ASPSCR1: variants seen among roughly 807,000 people sequenced by gnomAD.
ASPSCR1 encodes ASPSCR1 tether for SLC2A4, UBX domain containing.
A neutral mutation model predicts 68.9 loss-of-function variants in ASPSCR1; 55 were observed. The ratio of observed to expected loss-of-function variants is 0.80; its 90% CI spans 0.64 to 1.00. The LOEUF is 1.00. Ranked by LOEUF, ASPSCR1 falls within the 50% of genes least tolerant of loss-of-function variation. The probability of loss-of-function intolerance (pLI) is 0.00; values close to 1 mark genes in which losing one functional copy is unlikely to be tolerated. For missense variants in ASPSCR1, 765 were observed against 762.2 expected (o/e 1.00, Z -0.04); for synonymous variants, 352 against 332.6 (o/e 1.06, Z -0.63).
In ASPSCR1 at chr17:81,994,975, G is replaced by A. The variant is rs769332145; in HGVS notation, c.432+97G>A. The stretch of plus-strand genomic sequence containing the variant: ...TCCCGCAGCCGTCTCCAGGGCAGTG[G>A]CGGGAGACTCGGGCTCTTGAAAGCA... On this transcript the variant is annotated intron_variant, in intron 5 of 15. Transcript: ENST00000306739. 5 of 1,318,692 alleles carry A rather than the reference G, an allele frequency of 3.8e-6. No homozygotes were observed. The South Asian group carries it at 6.9e-5, about 18-fold the overall frequency. 81.7% of individuals were successfully genotyped at this position (1,318,692 alleles called of 1,614,324 possible). A position where few individuals can be genotyped will look rare whatever the true frequency, so the allele number is the denominator to read the frequency against.
At chr17:82,006,959 C>T (rs1002296182) in intron 7 of ASPSCR1, 2 of 152,336 alleles carry the variant, frequency 1.3e-5, no homozygotes, top group Admixed American at 6.5e-5. Flanking sequence ...GACAGAAAGT[C>T]TCTCCTGGGG....
intron 4 of ASPSCR1, among the ~76,000 whole-genome samples, chr17:81,992,607 C>T (rs1191877596): frequency 6.6e-6 from 1 of 152,132 alleles, no homozygotes; most frequent in Non-Finnish European, 1.5e-5. Context: ...TGCTGGGGAG[C>T]GGGGACCCTG....
Position 81,986,255 on chromosome 17 carries a change from C to G in ASPSCR1, c.374+648C>G, listed in dbSNP as rs988879235. 9.2e-5 allele frequency among the ~76,000 whole-genome samples: 14 copies of G among 152,042 alleles called. No homozygotes were observed. Among genetic ancestry groups the G allele is most frequent in the African/African-American group, 3.1e-4 (13 of 41,374 alleles). ...CCTCGGCAACATAGTGAAACCCCTTCTCTACAAAAAATAGAAATGTTAGGC... is the reference window on the plus strand; with the variant it reads ...CCTCGGCAACATAGTGAAACCCCTTGTCTACAAAAAATAGAAATGTTAGGC... On this transcript the variant is annotated intron_variant, in intron 4 of 15. Coordinates refer to ENST00000306739, the MANE Select transcript of ASPSCR1 (RefSeq NM_024083.4). This position sits in a 1 kb window ranked among gnomAD's most constrained non-coding sequence, Gnocchi z 5.2.
chr17:81,988,138 G>A (rs573536347), intron 4 of ASPSCR1, among the ~76,000 whole-genome samples: 2 of 144,044 alleles, frequency 1.4e-5, no homozygotes, highest in East Asian at 4.1e-4. Context: ...AACAGAGCGA[G>A]ACTCTGTCTC....
chr17:82,010,552 A>T (rs1003865701), intron 9 of ASPSCR1, among the ~76,000 whole-genome samples: 2 of 150,744 alleles, frequency 1.3e-5, no homozygotes, highest in African/African-American at 4.9e-5. Context: ...AAAAAAAAAA[A>T]CCAGCACATT....
Position 82,010,802 on chromosome 17 carries a change from G to A in ASPSCR1, c.1171G>A (p.Val391Met). 1.2e-6 allele frequency: 2 copies of A among 1,613,210 alleles called. No homozygotes were observed. The highest frequency in any genetic ancestry group is 2.2e-5 in the South Asian group (2 of 91,090). The change falls in exon 10 of 16, where the codon GTG (valine) becomes ATG (methionine). Residue 391 changes from valine (V) to methionine (M), a missense_variant and splice_region_variant. Coordinates refer to ENST00000306739, the MANE Select transcript of ASPSCR1 (RefSeq NM_024083.4). The stretch of plus-strand genomic sequence containing the variant: ...CAACCCTTCCACTTGTCTGGCCTAG[G>A]TGGCTCTGAGGGTCCTGTTCCCCGA... The part of the protein sequence containing the change: ...IKEKLERYPK[V>M]ALRVLFPDRY...
At position 82,012,460 on chromosome 17, in the gene ASPSCR1, C is replaced by T. The variant is rs528762575; in HGVS notation, c.1353+177C>T. On this transcript the variant is annotated intron_variant, in intron 12 of 15. Transcript: ENST00000306739. Reference sequence around the variant, plus strand: ...TGCGCCTCTGAAGTTGCTTCTGACACGGCTTTCCGGCCTCCTCTGCTTCCT... The same window carrying T: ...TGCGCCTCTGAAGTTGCTTCTGACATGGCTTTCCGGCCTCCTCTGCTTCCT... 2.2e-4 allele frequency among the ~76,000 whole-genome samples: 33 copies of T among 152,302 alleles called. 2 individuals are homozygous for T. The highest frequency in any genetic ancestry group is 2.0e-3 in the Admixed American group (30 of 15,304).
chr17:82,010,979 G>A (rs1008759699), intron 10 of ASPSCR1, 111 bp downstream of exon 10: 3 of 1,331,442 alleles, frequency 2.3e-6, no homozygotes, highest in Non-Finnish European at 3.1e-6. Context: ...GCGGGCTCCA[G>A]GGCACTGGGT....
intron 1 of ASPSCR1, 148 bp from the exon 2 acceptor site, chr17:81,979,036 A>T (rs2041709848): frequency 1.4e-6 from 1 of 735,690 alleles, no homozygotes; most frequent in African/African-American, 1.7e-5. Context: ...TGTTGCGGGG[A>T]CCGTCCATAG....
Position 81,990,578 on chromosome 17 carries a change from G to A in ASPSCR1, c.375-4243G>A, listed in dbSNP as rs568417933. On this transcript the variant is annotated intron_variant, in intron 4 of 15. Coordinates refer to ENST00000306739, the MANE Select transcript of ASPSCR1 (RefSeq NM_024083.4). This position sits in a 1 kb window ranked among gnomAD's most constrained non-coding sequence, Gnocchi z 4.1. ...GTCTGAGTTTGGGATCTTCCACGCC[G>A]AGCTCTGGGGGACACTGCTCTCTGC... Among the ~76,000 whole-genome samples the A allele has an allele frequency of 3.9e-5, 6 of 152,036 alleles. No individual in the cohort carries two copies. The highest frequency in any genetic ancestry group is 2.1e-4 in the South Asian group (1 of 4,816).
At chr17:81,984,806 C>T in intron 3 of ASPSCR1, among the ~76,000 whole-genome samples, 1 of 147,428 alleles carries the variant, frequency 6.8e-6, no homozygotes, top group African/African-American at 2.5e-5. Context: ...CACACACCCA[C>T]ATACCCGCAC....
rs2042354352 is a variant in ASPSCR1 at position 81,996,679 on chromosome 17, C to T, written c.766C>T (p.Pro256Ser). Residue 256 changes from proline to serine, a missense_variant, in exon 7 of 16, where the codon CCT becomes TCT. Pro to Ser is a moderately conservative substitution (Grantham distance 74). Coordinates refer to ENST00000306739, the MANE Select transcript of ASPSCR1 (RefSeq NM_024083.4). ...SGGGQRLGGP[P>S]GPTRPLTSSS... ...TGGGGGACAGAGACTGGGGGGCCCTCCTGGGCCCACGAGGCCTCTGACATC... is the reference window on the plus strand; with the variant it reads ...TGGGGGACAGAGACTGGGGGGCCCTTCTGGGCCCACGAGGCCTCTGACATC... 5 of 1,613,308 alleles carry T rather than the reference C, an allele frequency of 3.1e-6. No individual in the cohort carries two copies. The highest frequency in any genetic ancestry group is 4.2e-6 in the Non-Finnish European group (5 of 1,179,856).
intron 7 of ASPSCR1, chr17:82,008,724 T>G: frequency 3.3e-6 from 1 of 306,472 alleles, no homozygotes. Context: ...ATGGAGACCC[T>G]GACGTGGCCT....
At chr17:82,009,625 G>A (rs1227806195) in intron 9 of ASPSCR1, 58 bp downstream of exon 9, 2 of 1,444,088 alleles carry the variant, frequency 1.4e-6, no homozygotes, top group Admixed American at 2.1e-5. Context: ...CCCCCCGTGA[G>A]GTCTGTGGAC....
intron 12 of ASPSCR1, chr17:82,015,674 C>T (rs1021004430): frequency 6.2e-5 from 24 of 388,302 alleles, no homozygotes; most frequent in South Asian, 6.7e-5. Context: ...TGTGAGCAGC[C>T]GCAGCCTGGG....
Position 81,999,260 on chromosome 17 carries a change from C to G in ASPSCR1, c.933+2414C>G, listed in dbSNP as rs2042451296. On this transcript the variant is annotated intron_variant, in intron 7 of 15. Transcript: ENST00000306739. This position sits in a 1 kb window ranked among gnomAD's most constrained non-coding sequence, Gnocchi z 4.4. The stretch of plus-strand genomic sequence containing the variant: ...CCACAGCCCAGGGGCCAGGTCAGAG[C>G]TTCTTGAGCTCCTGCTGACGTAGTG... Among the ~76,000 whole-genome samples the G allele has an allele frequency of 6.6e-6, 1 of 152,248 alleles. No homozygotes were observed. The highest frequency in any genetic ancestry group is 2.4e-5 in the African/African-American group (1 of 41,460).
At chr17:81,995,852 G>T (rs1031530868) in intron 5 of ASPSCR1, 140 bp from the exon 6 acceptor site, 82 of 800,974 alleles carry the variant, frequency 1.0e-4, no homozygotes, top group South Asian at 7.5e-4. Flanking sequence ...ACCGGCAGGG[G>T]CCAGATGTGG....
chr17:82,012,279 T>A lies in ASPSCR1; in HGVS notation c.1349T>A (p.Phe450Tyr), dbSNP rs1180181308. 1 of 1,613,324 alleles carries A rather than the reference T, an allele frequency of 6.2e-7. No homozygotes were observed. The highest frequency in any genetic ancestry group is 1.7e-5 in the Admixed American group (1 of 60,022). Residue 450 changes from phenylalanine to tyrosine, a missense_variant, in exon 12 of 16, where the codon TTT (phenylalanine) becomes TAT (tyrosine). Coordinates refer to ENST00000306739, the MANE Select transcript of ASPSCR1 (RefSeq NM_024083.4). ...TVLDDHTQTL[F>Y]QANLFPAALV... ...CTGGACGACCACACGCAGACCCTCT[T>A]TCAGGTACCTGAGGGCCTCCCTGGG...
In ASPSCR1 at chr17:81,983,890, C is replaced by T. The variant is rs2041878946; in HGVS notation, c.273+222C>T. On this transcript the variant is annotated intron_variant, in intron 3 of 15. Coordinates refer to ENST00000306739, the MANE Select transcript of ASPSCR1 (RefSeq NM_024083.4). This position sits in a 1 kb window ranked among gnomAD's most constrained non-coding sequence, Gnocchi z 4.4. ...TTTTTTTTTTTGAGCTGGAGTCTCG[C>T]TCTGTCGCCCAGGCTGGAGCTCAGT... Among the ~76,000 whole-genome samples, 1 of 151,326 alleles carries T rather than the reference C, an allele frequency of 6.6e-6. No homozygotes were observed. The highest frequency in any genetic ancestry group is 2.4e-5 in the African/African-American group (1 of 41,128).
Sources: gnomAD v4.1 joint callset for allele counts (sites outside exome capture counted in the v4.1 genomes callset) on GRCh38, gnomAD v4.1.1 for gene constraint, Gnocchi (gnomAD v3.1) non-coding constraint, MANE v1.5 for transcripts, NCBI Gene and HGNC (gene_info 2026-07-23, HGNC 2026-07-21) for gene names.